Variants in DGKI observed in about 807,000 individuals in gnomAD.
DGKI encodes DAG kinase iota.
DGKI carries 55 observed loss-of-function variants against 147.5 expected under a neutral mutation model. The observed-to-expected ratio is 0.37, with a 90% CI of 0.30 to 0.47. The LOEUF (loss-of-function observed/expected upper bound fraction) is 0.47, where lower values mean the gene tolerates loss of function less well. Ranked by LOEUF, DGKI falls within the 20% of genes least tolerant of loss-of-function variation. The pLI, the probability that DGKI is intolerant of heterozygous loss-of-function variation, is 1.00. For synonymous variants in DGKI, 469 were observed against 477.1 expected (o/e 0.98, Z 0.22); for missense variants, 1,007 against 1,323.8 (o/e 0.76, Z 3.71).
intron 20 of DGKI, among the ~76,000 whole-genome samples, chr7:137,534,142 ATTGGATTAT>A (rs1277728985): frequency 6.6e-6 from 1 of 152,120 alleles, no homozygotes; most frequent in Non-Finnish European, 1.5e-5. Context: ...ATCCAAAATA[ATTGGATTAT>A]TTGGATTATT....
chr7:137,403,167 C>T (rs1264696894), intron 30 of DGKI, among the ~76,000 whole-genome samples: 1 of 152,106 alleles, frequency 6.6e-6, no homozygotes, highest in Non-Finnish European at 1.5e-5. Context: ...ATCCCTGCAT[C>T]CTTAGTCTCT....
In DGKI at chr7:137,846,535, C is replaced by A; in HGVS notation, c.328G>T (p.Gly110Cys). 1.3e-6 allele frequency: 2 copies of A among 1,554,800 alleles called. No homozygotes were observed. The highest frequency in any genetic ancestry group is 2.2e-5 in the South Asian group (2 of 89,494). ...AGCGCTTCGTCCTTCTCCTTCTGGCCGGCGGCCGCGGGCTCGTCCAGGGCA... is the reference window on the plus strand; with the variant it reads ...AGCGCTTCGTCCTTCTCCTTCTGGCAGGCGGCCGCGGGCTCGTCCAGGGCA... ...AAALDEPAAA[G>C]QKEKDEALEE... The change falls in exon 1 of 33, where the codon GGC becomes TGC. Residue 110 changes from glycine to cysteine, a missense_variant. Gly to Cys is a radical substitution (Grantham distance 159). This residue lies in a region of DGKI where 259 missense variants were observed against 362.5 expected (regional missense o/e 0.71). Coordinates refer to ENST00000614521, the MANE Select transcript of DGKI (RefSeq NM_001321708.2). The surrounding 1 kb of genome is among the most constrained non-coding windows in gnomAD (Gnocchi z 4.0).
chr7:137,626,292 T>A (rs145348360), intron 6 of DGKI, among the ~76,000 whole-genome samples: 291 of 151,526 alleles, frequency 1.9e-3, no homozygotes, highest in Middle Eastern at 6.8e-3. Flanking sequence ...AATGACAGTA[T>A]CTTTTCCCAA....
At chr7:137,421,511 C>T (rs1812570260) in intron 28 of DGKI, among the ~76,000 whole-genome samples, 1 of 152,140 alleles carries the variant, frequency 6.6e-6, no homozygotes, top group African/African-American at 2.4e-5. Context: ...TCTAGTGTTC[C>T]CTCCTGGCAG....
At chr7:137,504,973 A>G (rs2128944416) in intron 21 of DGKI, among the ~76,000 whole-genome samples, 1 of 152,158 alleles carries the variant, frequency 6.6e-6, no homozygotes, top group South Asian at 2.1e-4. Context: ...TTTGCAAAAC[A>G]CGTATCTGAT....
chr7:137,594,298 C>T (rs183827297), intron 12 of DGKI, among the ~76,000 whole-genome samples: 7 of 152,286 alleles, frequency 4.6e-5, no homozygotes, highest in African/African-American at 9.6e-5. Context: ...GTGCTCACCT[C>T]GGCCTCCCAA....
At chr7:137,676,521 A>G (rs141064703) in intron 3 of DGKI, among the ~76,000 whole-genome samples, 1 of 152,306 alleles carries the variant, frequency 6.6e-6, no homozygotes, top group African/African-American at 2.4e-5. Context: ...AGCTTCAAGA[A>G]ACTTACAGCA....
chr7:137,450,138 G>A (rs1223708321), intron 27 of DGKI, among the ~76,000 whole-genome samples: 2 of 152,178 alleles, frequency 1.3e-5, no homozygotes, highest in Admixed American at 6.5e-5. Flanking sequence ...ATTTCGGGGT[G>A]AGGGAGATGG....
chr7:137,781,253 C>A (rs555968259), intron 1 of DGKI, among the ~76,000 whole-genome samples: 7 of 152,178 alleles, frequency 4.6e-5, no homozygotes, highest in African/African-American at 1.7e-4. Flanking sequence ...GCCTAAGGGT[C>A]GGGAAAGGTG....
At chr7:137,713,252 T>C (rs1335982692) in intron 1 of DGKI, among the ~76,000 whole-genome samples, 2 of 152,188 alleles carry the variant, frequency 1.3e-5, no homozygotes, top group African/African-American at 4.8e-5. Flanking sequence ...CCTGCTCAAA[T>C]AGATACCTGG....
intron 1 of DGKI, among the ~76,000 whole-genome samples, chr7:137,782,609 GAAGGTTTGCA>G: frequency 6.6e-6 from 1 of 152,310 alleles, no homozygotes; most frequent in Non-Finnish European, 1.5e-5. Context: ...TATCCCTGGG[GAAGGTTTGCA>G]TCCTCCCTAT....
At chr7:137,485,669 G>A (rs1348491580) in intron 22 of DGKI, among the ~76,000 whole-genome samples, 1 of 152,054 alleles carries the variant, frequency 6.6e-6, no homozygotes, top group Admixed American at 6.6e-5. Context: ...TAAAGTAAGT[G>A]TTATATTATT....
chr7:137,393,578 A>C (rs995770287), intron 32 of DGKI, among the ~76,000 whole-genome samples: 1 of 152,222 alleles, frequency 6.6e-6, no homozygotes, highest in Admixed American at 6.5e-5. Flanking sequence ...ATCTGAGTGC[A>C]AATAACATCT....
At chr7:137,810,445 T>A (rs1211721667) in intron 1 of DGKI, among the ~76,000 whole-genome samples, 1 of 152,182 alleles carries the variant, frequency 6.6e-6, no homozygotes, top group Non-Finnish European at 1.5e-5. Context: ...GGGTCTTAAA[T>A]TTTCTCAGAC....
chr7:137,645,403 C>A, intron 6 of DGKI, 69 bp downstream of exon 6: 1 of 1,356,352 alleles, frequency 7.4e-7, no homozygotes, highest in South Asian at 1.3e-5. Flanking sequence ...GGACAGGACT[C>A]ATCTACCTCA....
chr7:137,596,840 C>T (rs1033055952), intron 12 of DGKI, among the ~76,000 whole-genome samples: 6 of 152,064 alleles, frequency 3.9e-5, no homozygotes, highest in African/African-American at 1.2e-4. Flanking sequence ...AGATAGTATT[C>T]GAAGATTTTG....
chr7:137,454,229 T>C (rs1428674606), intron 27 of DGKI, among the ~76,000 whole-genome samples: 1 of 152,226 alleles, frequency 6.6e-6, no homozygotes, highest in African/African-American at 2.4e-5. Flanking sequence ...AATCATGTTG[T>C]ACACAATAAA....
intron 24 of DGKI, 32 bp downstream of exon 24, chr7:137,469,518 C>G: frequency 6.2e-7 from 1 of 1,611,958 alleles, no homozygotes; most frequent in South Asian, 1.1e-5. Flanking sequence ...TTCCCCAACT[C>G]CCACGATACC....
chr7:137,762,192 T>C (rs1795876900), intron 1 of DGKI, among the ~76,000 whole-genome samples: 1 of 152,178 alleles, frequency 6.6e-6, no homozygotes, highest in African/African-American at 2.4e-5. Flanking sequence ...CTCCAATAGT[T>C]CCCCATGTCT....
Sources: gnomAD v4.1 joint callset for allele counts (sites outside exome capture counted in the v4.1 genomes callset) on GRCh38, gnomAD v4.1.1 for gene constraint, gnomAD v4.1.1 regional missense constraint, Gnocchi (gnomAD v3.1) non-coding constraint, MANE v1.5 for transcripts, NCBI Gene and HGNC (gene_info 2026-07-23, HGNC 2026-07-21) for gene names.